The following USH2A variants were observed in gnomAD, a reference collection of about 807,000 sequenced individuals.
The protein encoded by USH2A is Usher syndrome 2A (autosomal recessive, mild).
A neutral mutation model predicts 538.9 loss-of-function variants in USH2A; 443 were observed. The observed-to-expected ratio is 0.82, with a 90% CI of 0.76 to 0.89. The LOEUF (loss-of-function observed/expected upper bound fraction) is 0.89. USH2A is among the 40% of genes least tolerant of loss of function. USH2A has a pLI of 0.00. For missense variants in USH2A, 6,633 were observed against 6,324.8 expected, an observed-to-expected ratio of 1.05 and a Z score of -1.65; for synonymous variants, 2,413 against 2,273.5, an observed-to-expected ratio of 1.06 and a Z score of -1.75.
intron 35 of USH2A, among the ~76,000 whole-genome samples, chr1:215,985,678 T>A (rs1021550028): frequency 6.6e-6 from 1 of 152,162 alleles, no homozygotes; most frequent in African/African-American, 2.4e-5. Flanking sequence ...ATGCATAGAA[T>A]ATTTAATTTG....
Position 216,175,296 on chromosome 1 carries a change from C to T in USH2A, c.4583G>A (p.Cys1528Tyr), listed in dbSNP as rs2034354133. ...TGGGTGAGTGGAGCTGGGAAATTTA[C>T]AATACCCATTTCCTATGAAACGGAT... Reference protein sequence around the residue: ...KGIRFIGNGYCKFPSSTHPVN... With the variant: ...KGIRFIGNGYYKFPSSTHPVN... The change falls in exon 21 of 72, where the codon TGT becomes TAT. Residue 1528 changes from cysteine (C) to tyrosine (Y), a missense_variant. Coordinates refer to ENST00000307340, the MANE Select transcript of USH2A (RefSeq NM_206933.4). 3 of 1,613,614 alleles carry T rather than the reference C, an allele frequency of 1.9e-6. 1 individual carries two copies. The highest frequency in any genetic ancestry group is 2.2e-5 in the South Asian group (2 of 91,086).
At chr1:216,244,628 C>T (rs2036001077) in intron 13 of USH2A, among the ~76,000 whole-genome samples, 1 of 152,112 alleles carries the variant, frequency 6.6e-6, no homozygotes, top group African/African-American at 2.4e-5. Context: ...CAGTCTTATG[C>T]ATGGTGTAGA....
chr1:216,059,010 A>G (rs1571924277), intron 30 of USH2A, among the ~76,000 whole-genome samples: 1 of 152,304 alleles, frequency 6.6e-6, no homozygotes, highest in South Asian at 2.1e-4. Flanking sequence ...TTTAGCAACT[A>G]TGGAGTAAGA....
chr1:216,361,846 T>C (rs2038496716), intron 4 of USH2A, among the ~76,000 whole-genome samples: 1 of 152,220 alleles, frequency 6.6e-6, no homozygotes, highest in South Asian at 2.1e-4. Flanking sequence ...AAAAATCTCA[T>C]TGGCATAGTG....
chr1:216,158,932 C>T (rs1280300612), intron 21 of USH2A, among the ~76,000 whole-genome samples: 1 of 152,154 alleles, frequency 6.6e-6, no homozygotes, highest in Admixed American at 6.5e-5. Context: ...TACCTTTTAG[C>T]AGACTTGTTT....
intron 61 of USH2A, among the ~76,000 whole-genome samples, chr1:215,709,314 T>A (rs549276064): frequency 6.6e-6 from 1 of 152,318 alleles, no homozygotes; most frequent in South Asian, 2.1e-4. Context: ...ATGATACTAT[T>A]TAACTAGTAC....
intron 47 of USH2A, among the ~76,000 whole-genome samples, chr1:215,836,723 A>AT (rs1663543717): frequency 7.0e-6 from 1 of 143,092 alleles, no homozygotes. Flanking sequence ...CGCCCTGCTA[A>AT]TTTTTTGTAT....
chr1:216,135,446 T>C (rs192193334), intron 21 of USH2A, among the ~76,000 whole-genome samples: 1 of 152,264 alleles, frequency 6.6e-6, no homozygotes, highest in Non-Finnish European at 1.5e-5. Flanking sequence ...CCTATTTCTC[T>C]ATCTATATAT....
chr1:216,411,521 G>T (rs2039489735), intron 3 of USH2A, among the ~76,000 whole-genome samples: 1 of 152,128 alleles, frequency 6.6e-6, no homozygotes, highest in Non-Finnish European at 1.5e-5. Flanking sequence ...TCAGAGGAGA[G>T]GACCATATGA....
chr1:215,741,284 CT>C (rs1459632148), intron 60 of USH2A, 90 bp downstream of exon 60: 4 of 1,445,784 alleles, frequency 2.8e-6, no homozygotes, highest in Non-Finnish European at 3.9e-6. Flanking sequence ...CATTCATTCT[CT>C]TATGGAAATA....
intron 14 of USH2A, among the ~76,000 whole-genome samples, chr1:216,223,301 T>C (rs183958623): frequency 5.2e-4 from 79 of 152,336 alleles, no homozygotes; most frequent in African/African-American, 1.9e-3. Context: ...TAAATGCTAC[T>C]AATATATAAA....
intron 21 of USH2A, among the ~76,000 whole-genome samples, chr1:216,120,795 G>A (rs1224998785): frequency 6.6e-6 from 1 of 151,998 alleles, no homozygotes; most frequent in South Asian, 2.1e-4. Flanking sequence ...AGATTGCAGT[G>A]AGCCGAGATG....
intron 21 of USH2A, among the ~76,000 whole-genome samples, chr1:216,170,981 C>T (rs1422687694): frequency 6.6e-6 from 1 of 152,006 alleles, no homozygotes; most frequent in Non-Finnish European, 1.5e-5. Context: ...TATATCATTG[C>T]CCAATTACAA....
At position 215,634,507 on chromosome 1, in the gene USH2A, C is replaced by G. The variant is rs768977235; in HGVS notation, c.15249G>C (p.Gln5083His). The G allele has an allele frequency of 7.4e-6, 12 of 1,614,096 alleles. No individual in the cohort carries two copies. The African/African-American group carries it at 1.6e-4, about 22-fold the overall frequency. ...IRERPPLVPLQKRMSPLNVYP... is the reference protein window; with the variant it reads ...IRERPPLVPLHKRMSPLNVYP... ...AAACATTCAATGGAGACATCCTCTTCTGAAGAGGTACCAAGGGAGGTCTTT... is the reference window on the plus strand; with the variant it reads ...AAACATTCAATGGAGACATCCTCTTGTGAAGAGGTACCAAGGGAGGTCTTT... The change falls in exon 70 of 72, where the codon CAG becomes CAC. Residue 5083 changes from glutamine to histidine, a missense_variant. Coordinates refer to ENST00000307340, the MANE Select transcript of USH2A (RefSeq NM_206933.4).
chr1:216,341,512 A>G (rs1166794105), intron 4 of USH2A, among the ~76,000 whole-genome samples: 1 of 152,156 alleles, frequency 6.6e-6, no homozygotes, highest in African/African-American at 2.4e-5. Context: ...TTTCATATGG[A>G]AATAACAAAG....
chr1:216,310,950 G>GGGC (rs1340565960), intron 9 of USH2A, among the ~76,000 whole-genome samples: 1 of 152,116 alleles, frequency 6.6e-6, no homozygotes, highest in Non-Finnish European at 1.5e-5. Flanking sequence ...GAGCTATAGG[G>GGGC]GGCGCTTTAA....
At chr1:216,205,887 T>C (rs1447206209) in intron 16 of USH2A, among the ~76,000 whole-genome samples, 1 of 152,210 alleles carries the variant, frequency 6.6e-6, no homozygotes, top group Non-Finnish European at 1.5e-5. Flanking sequence ...ATCTAAAACA[T>C]CTGAGTAAAT....
intron 24 of USH2A, among the ~76,000 whole-genome samples, chr1:216,085,714 A>G (rs1054370464): frequency 1.5e-3 from 211 of 142,742 alleles, no homozygotes; most frequent in African/African-American, 5.3e-3. Context: ...AAGGCTGTGT[A>G]CGTGAGTGTG....
At position 215,674,957 on chromosome 1, in the gene USH2A, G is replaced by A. The variant is rs762159022; in HGVS notation, c.12954C>T (p.Tyr4318=). The A allele has an allele frequency of 5.6e-6, 9 of 1,614,056 alleles. No individual in the cohort carries two copies. Among genetic ancestry groups the A allele is most frequent in the African/African-American group, 1.3e-5 (1 of 74,940 alleles). ...AAAAAGGAAGAAGCTCTTCATCAGT[G>A]TAATTGAAAGTCACAGGATCAAAGC... ...PFSFDPVTFN[Y]TDEELLPFST... Residue 4318 remains tyrosine, a synonymous_variant, in exon 63 of 72, where the codon TAC becomes TAT. Coordinates refer to ENST00000307340, the MANE Select transcript of USH2A (RefSeq NM_206933.4).
Sources: gnomAD v4.1 joint callset for allele counts (sites outside exome capture counted in the v4.1 genomes callset) on GRCh38, gnomAD v4.1.1 for gene constraint, MANE v1.5 for transcripts, NCBI Gene and HGNC (gene_info 2026-07-23, HGNC 2026-07-21) for gene names.